The following ARHGAP15 variants were observed in gnomAD, a reference collection of about 807,000 sequenced individuals.
The protein encoded by ARHGAP15 is Rho GTPase activating protein 15.
Under a neutral mutation model 63.7 loss-of-function variants are expected in ARHGAP15, and 51 were observed. The ratio of observed to expected loss-of-function variants is 0.80; its 90% CI spans 0.64 to 1.01. The LOEUF is 1.01. ARHGAP15 is among the 50% of genes least tolerant of loss of function. The probability of loss-of-function intolerance (pLI) is 0.00; values close to 1 mark genes in which losing one functional copy is unlikely to be tolerated. For missense variants in ARHGAP15, 560 were observed against 564.6 expected, an observed-to-expected ratio of 0.99 and a Z score of 0.08; for synonymous variants, 191 against 193.8, an observed-to-expected ratio of 0.99 and a Z score of 0.12.
intron 6 of ARHGAP15, among the ~76,000 whole-genome samples, chr2:143,425,075 T>C (rs1287594372): frequency 6.6e-6 from 1 of 152,174 alleles, no homozygotes; most frequent in Non-Finnish European, 1.5e-5. Flanking sequence ...ACCCTACTGA[T>C]AGTGCTACCA....
At chr2:143,702,310 A>G (rs1359653511) in intron 12 of ARHGAP15, among the ~76,000 whole-genome samples, 2 of 152,162 alleles carry the variant, frequency 1.3e-5, no homozygotes, top group Non-Finnish European at 2.9e-5. Context: ...TTACTTTTCC[A>G]TCTATAAACA....
intron 12 of ARHGAP15, among the ~76,000 whole-genome samples, chr2:143,672,184 G>A (rs1307818913): frequency 6.6e-6 from 1 of 151,994 alleles, no homozygotes; most frequent in East Asian, 1.9e-4. Context: ...CTTCAAGAGA[G>A]GTATAAAATA....
At chr2:143,292,462 T>C (rs1309026672) in intron 6 of ARHGAP15, among the ~76,000 whole-genome samples, 1 of 152,078 alleles carries the variant, frequency 6.6e-6, no homozygotes, top group African/African-American at 2.4e-5. Context: ...GGTTTGGTTT[T>C]ATTTATGTGT....
chr2:143,523,220 C>T (rs928785339), intron 10 of ARHGAP15, among the ~76,000 whole-genome samples: 2 of 152,044 alleles, frequency 1.3e-5, no homozygotes, highest in Non-Finnish European at 2.9e-5. Context: ...AGGAGATAGA[C>T]ATTAAGCAAA....
rs536812788 is a variant in ARHGAP15, at chr2:143,264,593, A to G, written c.474+13993A>G. On this transcript the variant is annotated intron_variant, in intron 6 of 13. Coordinates refer to ENST00000295095, the MANE Select transcript of ARHGAP15 (RefSeq NM_018460.4). ...TGTCCAATCTACTAACTTATCTAGT[A>G]ATGACAGTCCCGGGCTTGTGGTCAT... Among the ~76,000 whole-genome samples the G allele has an allele frequency of 2.0e-5, 3 of 152,214 alleles. No homozygotes were observed. The South Asian group carries it at 6.2e-4, about 32-fold the overall frequency.
chr2:143,436,227 T>C (rs1286284721), intron 7 of ARHGAP15, among the ~76,000 whole-genome samples: 5 of 152,162 alleles, frequency 3.3e-5, no homozygotes, highest in Admixed American at 2.6e-4. Context: ...AATGAACTTA[T>C]TTAAAACCAC....
At chr2:143,284,057 C>G (rs1414531875) in intron 6 of ARHGAP15, among the ~76,000 whole-genome samples, 2 of 152,144 alleles carry the variant, frequency 1.3e-5, no homozygotes, top group Non-Finnish European at 2.9e-5. Context: ...TTCTCCACCC[C>G]TCGATCGCCT....
At chr2:143,503,903 A>C (rs1318891235) in intron 9 of ARHGAP15, among the ~76,000 whole-genome samples, 1 of 152,226 alleles carries the variant, frequency 6.6e-6, no homozygotes, top group Non-Finnish European at 1.5e-5. Flanking sequence ...CCAGGAAGTG[A>C]GTAAGGAAGA....
At chr2:143,724,546 T>C (rs1685199099) in intron 13 of ARHGAP15, among the ~76,000 whole-genome samples, 1 of 152,206 alleles carries the variant, frequency 6.6e-6, no homozygotes. Context: ...TTCCTGGACC[T>C]TGTAGTGTTC....
chr2:143,264,407 C>T (rs528570547), intron 6 of ARHGAP15, among the ~76,000 whole-genome samples: 1 of 152,184 alleles, frequency 6.6e-6, no homozygotes, highest in South Asian at 2.1e-4. Flanking sequence ...TATAACCTAC[C>T]ACACACTCCA....
intron 6 of ARHGAP15, among the ~76,000 whole-genome samples, chr2:143,331,902 G>T (rs1201520611): frequency 6.6e-6 from 1 of 152,048 alleles, no homozygotes; most frequent in Non-Finnish European, 1.5e-5. Context: ...TAGTCAGCTT[G>T]TTTCTACTAT....
At chr2:143,307,964 C>G (rs1166413332) in intron 6 of ARHGAP15, among the ~76,000 whole-genome samples, 1 of 152,092 alleles carries the variant, frequency 6.6e-6, no homozygotes, top group Non-Finnish European at 1.5e-5. Flanking sequence ...ATACAGCACA[C>G]AGTTTTATAC....
chr2:143,330,127 AAAAAC>A lies in ARHGAP15; in HGVS notation c.474+79528_474+79532del, dbSNP rs1228308995. Among the ~76,000 whole-genome samples the A allele has an allele frequency of 2.7e-4, 22 of 81,302 alleles. 1 individual carries two copies. The highest frequency in any genetic ancestry group is 9.1e-4 in the African/African-American group (18 of 19,780). The allele number at this position is 81,302 out of a possible 152,430, so 53.3% of individuals were successfully genotyped here. A position where few individuals can be genotyped will look rare whatever the true frequency, so the allele number is the denominator to read the frequency against. The stretch of plus-strand genomic sequence containing the variant: ...AAAAAAAAAAAAAAAAAAAAAAAAA[AAAAAC>A]CAAAAACAAAAAACTAAACTAATGA... On this transcript the variant is annotated intron_variant, in intron 6 of 13. Transcript: ENST00000295095.
intron 10 of ARHGAP15, among the ~76,000 whole-genome samples, chr2:143,550,660 T>C (rs1315633372): frequency 1.3e-5 from 2 of 152,184 alleles, no homozygotes; most frequent in African/African-American, 4.8e-5. Flanking sequence ...GAAACTTCTG[T>C]TGGGCAGCAC....
intron 6 of ARHGAP15, among the ~76,000 whole-genome samples, chr2:143,271,751 C>G (rs937518028): frequency 3.3e-5 from 5 of 152,228 alleles, no homozygotes; most frequent in Non-Finnish European, 7.3e-5. Flanking sequence ...GCTGGGATTA[C>G]AGGCATGAGC....
chr2:143,153,831 T>TCCTCC (rs1558779419), intron 1 of ARHGAP15, among the ~76,000 whole-genome samples: 1 of 63,634 alleles, frequency 1.6e-5, no homozygotes, highest in Non-Finnish European at 3.3e-5. Flanking sequence ...CTTCTTCTTC[T>TCCTCC]TCTTCTTCTT....
chr2:143,429,078 A>C (rs572829405), intron 6 of ARHGAP15, among the ~76,000 whole-genome samples: 2 of 152,254 alleles, frequency 1.3e-5, no homozygotes, highest in South Asian at 4.1e-4. Context: ...CACAGGCAAA[A>C]GTTTTGGTGT....
rs554985711 is a variant in ARHGAP15, at chr2:143,599,109, A to G, written c.1004-25024A>G. On this transcript the variant is annotated intron_variant, in intron 11 of 13. Transcript: ENST00000295095. ...GAGAGTCTTAAATAGAGGGAGGCCT[A>G]TGTACTTTCTTAAAATCAAACCAAC... Among the ~76,000 whole-genome samples, 8 of 152,226 alleles carry G rather than the reference A, an allele frequency of 5.3e-5. 1 individual carries two copies. In the South Asian group the frequency reaches 1.2e-3, roughly 24 times the overall value.
At chr2:143,261,092 A>G (rs1299650972) in intron 6 of ARHGAP15, among the ~76,000 whole-genome samples, 1 of 152,196 alleles carries the variant, frequency 6.6e-6, no homozygotes, top group African/African-American at 2.4e-5. Flanking sequence ...GGTTTTAGTC[A>G]TAAGTTGCTA....
Sources: allele counts gnomAD v4.1 joint callset (sites outside exome capture counted in the v4.1 genomes callset), GRCh38; gene constraint gnomAD v4.1.1; transcripts MANE v1.5; gene names NCBI Gene and HGNC (gene_info 2026-07-23, HGNC 2026-07-21).